GRIA4: variants seen among roughly 807,000 people sequenced by gnomAD.
GRIA4 encodes the protein glutamate receptor 4.
Under a neutral mutation model 104.0 loss-of-function variants are expected in GRIA4, and 34 were observed. That is an observed-to-expected ratio of 0.33 (90% CI 0.25 to 0.44). GRIA4 has a LOEUF of 0.44. Among genes scored for constraint, GRIA4 ranks in the 20% least tolerant of loss-of-function variants. The pLI, the probability that GRIA4 is intolerant of heterozygous loss-of-function variation, is 1.00. For synonymous variants in GRIA4, 386 were observed against 381.9 expected (o/e 1.01, Z -0.13); for missense variants, 750 against 1,096.5 (o/e 0.68, Z 4.46).
At chr11:105,887,720 A>G in intron 6 of GRIA4, 148 bp downstream of exon 6, 1 of 538,246 alleles carries the variant, frequency 1.9e-6, no homozygotes, top group Non-Finnish European at 3.3e-6. Flanking sequence ...AATGATCATT[A>G]AATTTCACCA....
At chr11:105,933,079 AAT>A (rs375868623) in intron 13 of GRIA4, among the ~76,000 whole-genome samples, 13,528 of 151,824 alleles carry the variant, frequency 0.089, 774 homozygotes, top group Admixed American at 0.18. Context: ...TCTTTAAAAA[AAT>A]TTTTTTTTTA....
chr11:105,634,383 G>T (rs1461524027), intron 3 of GRIA4, among the ~76,000 whole-genome samples: 3 of 129,882 alleles, frequency 2.3e-5, no homozygotes, highest in Non-Finnish European at 4.9e-5. Flanking sequence ...GAAGAAAGAA[G>T]GAAAGAAGGA....
chr11:105,874,313 A>C (rs1945734718), intron 5 of GRIA4, among the ~76,000 whole-genome samples: 1 of 152,118 alleles, frequency 6.6e-6, no homozygotes, highest in South Asian at 2.1e-4. Flanking sequence ...TGTTTTGTTT[A>C]CCATAGCTTT....
chr11:105,646,766 C>G (rs1951542025), intron 3 of GRIA4, among the ~76,000 whole-genome samples: 1 of 152,122 alleles, frequency 6.6e-6, no homozygotes, highest in Non-Finnish European at 1.5e-5. Flanking sequence ...TGGACCCTTT[C>G]CTTATACCAT....
chr11:105,770,908 A>G, intron 4 of GRIA4, among the ~76,000 whole-genome samples: 1 of 152,054 alleles, frequency 6.6e-6, no homozygotes, highest in Non-Finnish European at 1.5e-5. Context: ...TCCTGCCATC[A>G]AGAAATAATT....
chr11:105,962,422 AT>A (rs778943655), intron 14 of GRIA4, among the ~76,000 whole-genome samples: 2 of 152,214 alleles, frequency 1.3e-5, no homozygotes, highest in African/African-American at 4.8e-5. Context: ...TTGGTTTTAT[AT>A]GACATTTCAA....
chr11:105,873,894 T>C, intron 5 of GRIA4, among the ~76,000 whole-genome samples: 1 of 152,182 alleles, frequency 6.6e-6, no homozygotes, highest in Non-Finnish European at 1.5e-5. Flanking sequence ...ATAGTTTCTT[T>C]TGCTCTGCAG....
intron 7 of GRIA4, among the ~76,000 whole-genome samples, chr11:105,901,014 T>G (rs1265364572): frequency 2.0e-5 from 3 of 152,144 alleles, no homozygotes; most frequent in East Asian, 3.9e-4. Context: ...CTCCATAGTA[T>G]TTGATTGGGC....
intron 14 of GRIA4, chr11:105,945,372 AGACCTGAGGAAAGGGTT>A (rs757263877): frequency 1.6e-5 from 3 of 190,030 alleles, no homozygotes; most frequent in Non-Finnish European, 2.9e-5. Flanking sequence ...GTGTCTTGTG[AGACCTGAGGAAAGGGTT>A]GACCAGAACT....
At chr11:105,724,756 A>G (rs1938085395) in intron 3 of GRIA4, among the ~76,000 whole-genome samples, 1 of 152,160 alleles carries the variant, frequency 6.6e-6, no homozygotes, top group Non-Finnish European at 1.5e-5. Context: ...CCTGCAACAA[A>G]ATTGTACTTA....
chr11:105,678,693 C>T (rs1159871184), intron 3 of GRIA4, among the ~76,000 whole-genome samples: 1 of 151,896 alleles, frequency 6.6e-6, no homozygotes, highest in East Asian at 1.9e-4. Flanking sequence ...ATTGAAATTG[C>T]CATTCAGTTG....
At chr11:105,682,714 T>C (rs75655809) in intron 3 of GRIA4, among the ~76,000 whole-genome samples, 2 of 152,152 alleles carry the variant, frequency 1.3e-5, no homozygotes, top group Non-Finnish European at 2.9e-5. Context: ...CAGATGGTAG[T>C]TAGCTCTTAT....
At chr11:105,622,929 C>A (rs1166502594) in intron 3 of GRIA4, among the ~76,000 whole-genome samples, 1 of 151,564 alleles carries the variant, frequency 6.6e-6, no homozygotes, top group Non-Finnish European at 1.5e-5. Flanking sequence ...TATAAATAAG[C>A]ACATGTAATA....
chr11:105,967,278 G>T lies in GRIA4; in HGVS notation c.2295-4636G>T, dbSNP rs904354124. On this transcript the variant is annotated intron_variant, in intron 14 of 16. Coordinates refer to ENST00000282499, the MANE Select transcript of GRIA4 (RefSeq NM_000829.4). ...AAGTCCCATTTTAGCGTGCATTAAA[G>T]ATGTTTTCTGGAGAAAAATAAGCAA... Among the ~76,000 whole-genome samples the T allele has an allele frequency of 1.4e-4, 22 of 152,062 alleles. 1 individual carries two copies. The highest frequency in any genetic ancestry group is 3.9e-4 in the African/African-American group (16 of 41,420).
intron 4 of GRIA4, among the ~76,000 whole-genome samples, chr11:105,855,395 T>C (rs1944973363): frequency 6.6e-6 from 1 of 152,120 alleles, no homozygotes; most frequent in African/African-American, 2.4e-5. Flanking sequence ...AAAAATACAA[T>C]GGTTGTTTTT....
chr11:105,911,775 A>AATATATATATATATATAT lies in GRIA4; in HGVS notation c.1269+1247_1269+1264dup, dbSNP rs60005308. On this transcript the variant is annotated intron_variant, in intron 10 of 16. Transcript: ENST00000282499. ...AATATTTGCATGGGACTTGAAAAGC[A>AATATATATATATATATAT]ATATATATATATATATATATATATA... The AATATATATATATATATAT allele has an allele frequency of 2.4e-3, 176 of 74,600 alleles. 5 individuals are homozygous for AATATATATATATATATAT. Among genetic ancestry groups the AATATATATATATATATAT allele is most frequent in the African/African-American group, 4.2e-3 (61 of 14,476 alleles). The allele number at this position is 74,600 out of a possible 1,614,324, so 4.6% of individuals were successfully genotyped here.
At chr11:105,908,126 T>G (rs1452448535) in intron 9 of GRIA4, among the ~76,000 whole-genome samples, 2 of 152,188 alleles carry the variant, frequency 1.3e-5, no homozygotes, top group Admixed American at 1.3e-4. Flanking sequence ...TCCCTATCTG[T>G]TCTCTATGTT....
intron 4 of GRIA4, among the ~76,000 whole-genome samples, chr11:105,803,818 A>G (rs889844322): frequency 1.3e-5 from 2 of 148,218 alleles, no homozygotes; most frequent in Admixed American, 6.8e-5. Context: ...AATTGAATAG[A>G]TAGGTGATTC....
At chr11:105,653,827 T>C (rs971301166) in intron 3 of GRIA4, among the ~76,000 whole-genome samples, 1 of 151,376 alleles carries the variant, frequency 6.6e-6, no homozygotes, top group Non-Finnish European at 1.5e-5. Flanking sequence ...TCTTGAAGAA[T>C]GAATAAAAAG....
Sources: allele counts gnomAD v4.1 joint callset (sites outside exome capture counted in the v4.1 genomes callset), GRCh38; gene constraint gnomAD v4.1.1; transcripts MANE v1.5; gene names NCBI Gene and HGNC (gene_info 2026-07-23, HGNC 2026-07-21).